The following TARBP1 variants were observed in gnomAD, a reference collection of about 807,000 sequenced individuals.
The protein encoded by TARBP1 is tRNA (guanosine(18)-2'-O)-methyltransferase TARBP1.
A neutral mutation model predicts 178.6 loss-of-function variants in TARBP1; 144 were observed. The observed-to-expected ratio is 0.81, with a 90% CI of 0.70 to 0.93. The LOEUF (loss-of-function observed/expected upper bound fraction) is 0.93, where lower values mean the gene tolerates loss of function less well. TARBP1 is among the 40% of genes least tolerant of loss of function. The pLI, the probability that TARBP1 is intolerant of heterozygous loss-of-function variation, is 0.00. For missense variants in TARBP1, 2,067 were observed against 2,011.7 expected (o/e 1.03, Z -0.53); for synonymous variants, 787 against 781.0 (o/e 1.01, Z -0.13).
intron 12 of TARBP1, among the ~76,000 whole-genome samples, chr1:234,439,994 C>G (rs946431991): frequency 6.6e-6 from 1 of 151,868 alleles, no homozygotes; most frequent in African/African-American, 2.4e-5. Flanking sequence ...AGGCCATATC[C>G]CACATAAACT....
At chr1:234,440,461 C>CA (rs113058179) in intron 12 of TARBP1, among the ~76,000 whole-genome samples, 3,559 of 151,570 alleles carry the variant, frequency 0.023, 56 homozygotes, top group South Asian at 0.063. Context: ...GAGACAGAGA[C>CA]AGAGAGAGAG....
chr1:234,425,702 C>A lies in TARBP1; in HGVS notation c.3415G>T (p.Glu1139Ter). 6.2e-7 allele frequency: 1 copy of A among 1,611,788 alleles called. No homozygotes were observed. Among genetic ancestry groups the A allele is most frequent in the Non-Finnish European group, 8.5e-7 (1 of 1,179,234 alleles). The change falls in exon 20 of 30, where the codon GAG (glutamate) becomes TAG (stop). Residue 1139 changes from glutamate to a stop codon, truncating the protein, a stop_gained. Transcript: ENST00000040877. LOFTEE classifies it high-confidence loss of function. ...GSNMSHKLFI[E>*]DLAIKLLDKD... ...TCTAATAGCTTGATTGCAAGATCCT[C>A]AATAAACAACTTGTGGGACATATTG...
chr1:234,419,564 T>A (rs12035712), intron 21 of TARBP1, among the ~76,000 whole-genome samples: 2 of 152,048 alleles, frequency 1.3e-5, no homozygotes, highest in African/African-American at 4.8e-5. Context: ...CTTTCCTTTT[T>A]CTTGCAGGTG....
Position 234,393,212 on chromosome 1 carries a change from T to A in TARBP1, c.4560+150A>T. On this transcript the variant is annotated intron_variant, in intron 28 of 29. Transcript: ENST00000040877. ...TAAATGATTAAAGACTGCACTATTA[T>A]AAATTATGCAAAAGGACTAATACAC... 3.8e-6 allele frequency: 3 copies of A among 781,822 alleles called. 1 individual carries two copies. The South Asian group carries it at 1.5e-4, about 39-fold the overall frequency. The allele number at this position is 781,822 out of a possible 1,614,324, so 48.4% of individuals were successfully genotyped here. A position where few individuals can be genotyped will look rare whatever the true frequency, so the allele number is the denominator to read the frequency against.
intron 14 of TARBP1, 60 bp from the exon 15 acceptor site, chr1:234,430,361 C>T (rs1664299745): frequency 1.4e-6 from 2 of 1,475,912 alleles, no homozygotes; most frequent in African/African-American, 1.4e-5. Flanking sequence ...CAGTAATGAC[C>T]TCAGTTGCCA....
chr1:234,398,686 A>G, intron 25 of TARBP1, 133 bp from the exon 26 acceptor site: 1 of 661,702 alleles, frequency 1.5e-6, no homozygotes, highest in Admixed American at 3.6e-5. Context: ...ATATACTTTC[A>G]TTTATATCTT....
chr1:234,469,475 T>A (rs550728706), intron 3 of TARBP1, among the ~76,000 whole-genome samples: 1 of 152,264 alleles, frequency 6.6e-6, no homozygotes, highest in South Asian at 2.1e-4. Flanking sequence ...CACAACAAGA[T>A]TCAATTAAAT....
Position 234,430,232 on chromosome 1 carries a change from T to C in TARBP1, c.2464A>G (p.Ile822Val), listed in dbSNP as rs534815273. 9 of 1,614,216 alleles carry C rather than the reference T, an allele frequency of 5.6e-6. No individual in the cohort carries two copies. The highest frequency in any genetic ancestry group is 2.2e-5 in the East Asian group (1 of 44,884). ...AGCTGCAGCTCAGGCTTCTGGTCTATGGCCTCACACACCATGGCCAAGGCA... is the reference window on the plus strand; with the variant it reads ...AGCTGCAGCTCAGGCTTCTGGTCTACGGCCTCACACACCATGGCCAAGGCA... ...MAALAMVCEA[I>V]DQKPELQLDS... The change falls in exon 15 of 30, where the codon ATA (isoleucine) becomes GTA (valine). Residue 822 changes from isoleucine (I) to valine (V), a missense_variant. Ile to Val is a conservative substitution (Grantham distance 29). Transcript: ENST00000040877.
At chr1:234,422,510 C>A (rs1158041325) in intron 20 of TARBP1, among the ~76,000 whole-genome samples, 1 of 151,886 alleles carries the variant, frequency 6.6e-6, no homozygotes, top group African/African-American at 2.4e-5. Flanking sequence ...CATGTTTTCA[C>A]TTATTTGTGG....
intron 28 of TARBP1, 104 bp from the exon 29 acceptor site, chr1:234,392,656 G>C: frequency 1.0e-6 from 1 of 958,816 alleles, no homozygotes; most frequent in Non-Finnish European, 1.5e-6. Context: ...CTCTTTAAAA[G>C]AAAAAGGAGA....
At chr1:234,425,318 A>G (rs957439576) in intron 20 of TARBP1, among the ~76,000 whole-genome samples, 4 of 152,264 alleles carry the variant, frequency 2.6e-5, no homozygotes, top group East Asian at 1.9e-4. Flanking sequence ...TGGTACACGA[A>G]AAACATTACC....
intron 21 of TARBP1, among the ~76,000 whole-genome samples, chr1:234,419,040 T>C (rs1046179291): frequency 4.6e-5 from 7 of 151,806 alleles, no homozygotes; most frequent in East Asian, 3.9e-4. Context: ...GGTGAGGTGG[T>C]GGGCGCCTGT....
At chr1:234,400,853 C>A in intron 25 of TARBP1, 1 of 185,038 alleles carries the variant, frequency 5.4e-6, no homozygotes, top group Non-Finnish European at 1.1e-5. Flanking sequence ...GAAATCTCAC[C>A]TGCACAAATG....
At position 234,401,265 on chromosome 1, in the gene TARBP1, A is replaced by G; in HGVS notation, c.3990-3T>C. ...GTTGCCAATTCTTCTTGGCATTCCT[A>G]AGGATTAAAAATATGGTATGAGCCA... On this transcript the variant is annotated splice_region_variant and splice_polypyrimidine_tract_variant and intron_variant, in intron 24 of 29. Transcript: ENST00000040877. 6.2e-7 allele frequency: 1 copy of G among 1,610,354 alleles called. No homozygotes were observed. Among genetic ancestry groups the G allele is most frequent in the Non-Finnish European group, 8.5e-7 (1 of 1,177,630 alleles).
chr1:234,449,060 G>C (rs1666467963), intron 10 of TARBP1, among the ~76,000 whole-genome samples: 1 of 152,166 alleles, frequency 6.6e-6, no homozygotes, highest in Admixed American at 6.5e-5. Flanking sequence ...GAACTTTCTA[G>C]ACAGAAGGAA....
At chr1:234,471,843 C>T (rs1291538377) in intron 2 of TARBP1, among the ~76,000 whole-genome samples, 1 of 152,084 alleles carries the variant, frequency 6.6e-6, no homozygotes, top group African/African-American at 2.4e-5. Flanking sequence ...CTCATCCTTG[C>T]ATCTATATAT....
intron 12 of TARBP1, among the ~76,000 whole-genome samples, chr1:234,443,311 A>G (rs1343078741): frequency 6.6e-6 from 1 of 151,096 alleles, no homozygotes; most frequent in African/African-American, 2.4e-5. Context: ...AAAAAAAATT[A>G]TGGTTTGGTT....
At chr1:234,437,156 G>T in intron 13 of TARBP1, 119 bp downstream of exon 13, 1 of 503,262 alleles carries the variant, frequency 2.0e-6, no homozygotes, top group South Asian at 4.7e-5. Flanking sequence ...TGCTTCCTAA[G>T]ACCGCTTCTT....
Position 234,478,153 on chromosome 1 carries a change from G to C in TARBP1, c.931+20C>G, listed in dbSNP as rs1669742453. The C allele has an allele frequency of 5.0e-6, 8 of 1,610,606 alleles. No individual in the cohort carries two copies. The highest frequency in any genetic ancestry group is 6.8e-6 in the Non-Finnish European group (8 of 1,178,636). On this transcript the variant is annotated intron_variant, in intron 1 of 29. Coordinates refer to ENST00000040877, the MANE Select transcript of TARBP1 (RefSeq NM_005646.4). Reference sequence around the variant, plus strand: ...CAGCCAAGTAGGTAGCACTAGGCTGGGGGGCAAAGAGGCAGGTACCGTTTC... The same window carrying C: ...CAGCCAAGTAGGTAGCACTAGGCTGCGGGGCAAAGAGGCAGGTACCGTTTC...
Sources: allele counts gnomAD v4.1 joint callset (sites outside exome capture counted in the v4.1 genomes callset), GRCh38; gene constraint gnomAD v4.1.1; transcripts MANE v1.5; gene names NCBI Gene and HGNC (gene_info 2026-07-23, HGNC 2026-07-21).